The following ADGRA2 variants were observed in gnomAD, a reference collection of about 807,000 sequenced individuals.
The protein encoded by ADGRA2 is G-protein coupled receptor 124.
Under a neutral mutation model 98.7 loss-of-function variants are expected in ADGRA2, and 61 were observed. The observed-to-expected ratio is 0.62, with a 90% confidence interval of 0.50 to 0.76. The LOEUF (loss-of-function observed/expected upper bound fraction) is 0.76, where lower values mean the gene tolerates loss of function less well. ADGRA2 is among the 30% of genes least tolerant of loss of function. The pLI, the probability that ADGRA2 is intolerant of heterozygous loss-of-function variation, is 0.00. For missense variants in ADGRA2, 1,712 were observed against 1,860.0 expected, an observed-to-expected ratio of 0.92 and a Z score of 1.46; for synonymous variants, 858 against 831.5, an observed-to-expected ratio of 1.03 and a Z score of -0.55.
At chr8:37,839,132 G>GC in intron 15 of ADGRA2, 49 bp downstream of exon 15, 1 of 1,607,314 alleles carries the variant, frequency 6.2e-7, no homozygotes, top group African/African-American at 1.3e-5. Flanking sequence ...CATGGAAGGG[G>GC]CCCCTACCCT....
rs77369926 is a variant in ADGRA2, at chr8:37,835,761, G to A, written c.2041G>A (p.Ala681Thr). ...RRGVATPVIF[A>T]GTSGCGVGNL... ...TGGCGTGGCCACCCCCGTCATCTTC[G>A]CAGGAACCAGTAAGGGACTGAATTC... Residue 681 changes from alanine (A) to threonine (T), a missense_variant, in exon 13 of 19, where the codon GCA becomes ACA. Ala to Thr is a moderately conservative substitution (Grantham distance 58). Transcript: ENST00000412232. The A allele has an allele frequency of 6.4e-3, 10,369 of 1,609,388 alleles. 77 individuals carry two copies. The highest frequency in any genetic ancestry group is 0.035 in the African/African-American group (2,644 of 74,882).
rs946628915 is a variant in ADGRA2, at chr8:37,797,590, C to A, written c.266+56C>A. On this transcript the variant is annotated intron_variant, in intron 1 of 18. Coordinates refer to ENST00000412232, the MANE Select transcript of ADGRA2 (RefSeq NM_032777.10). The surrounding 1 kb of genome is among the most constrained non-coding windows in gnomAD (Gnocchi z 5.3). Reference sequence around the variant, plus strand: ...AGCCGGGACTGGGGACGAAGGGAGGCGAGACGGGAGGGGTGGGAGCAGGGG... The same window carrying A: ...AGCCGGGACTGGGGACGAAGGGAGGAGAGACGGGAGGGGTGGGAGCAGGGG... The A allele has an allele frequency of 2.4e-6, 3 of 1,273,000 alleles. No individual in the cohort carries two copies. The highest frequency in any genetic ancestry group is 2.8e-5 in the South Asian group (1 of 35,606). The allele number at this position is 1,273,000 out of a possible 1,614,324, so 78.9% of individuals were successfully genotyped here.
At chr8:37,803,315 C>G (rs573573354) in intron 1 of ADGRA2, among the ~76,000 whole-genome samples, 1 of 152,118 alleles carries the variant, frequency 6.6e-6, no homozygotes, top group African/African-American at 2.4e-5. Flanking sequence ...GGAGAGTTCC[C>G]GGACAGCCTG....
chr8:37,835,116 A>G, intron 11 of ADGRA2, 58 bp from the exon 12 acceptor site: 9 of 1,244,184 alleles, frequency 7.2e-6, no homozygotes, highest in Non-Finnish European at 1.1e-5. Flanking sequence ...AGAGATGTGC[A>G]GTCCCAAGCA....
At chr8:37,822,200 G>T (rs919269445) in intron 2 of ADGRA2, among the ~76,000 whole-genome samples, 3 of 152,150 alleles carry the variant, frequency 2.0e-5, no homozygotes, top group Non-Finnish European at 4.4e-5. Flanking sequence ...TATACCTGCA[G>T]GGTGTCCTGG....
chr8:37,804,130 C>CACACACACACACACACACAT lies in ADGRA2; in HGVS notation c.266+6615_266+6616insTACACACACACACACACACA, dbSNP rs1563337088. ...ACACACACACACACACACACACACACACACACACACACACACACACACGGC... is the reference window on the plus strand; with the variant it reads ...ACACACACACACACACACACACACACACACACACACACACACACATACACACACACACACACACACACGGC... On this transcript the variant is annotated intron_variant, in intron 1 of 18. Coordinates refer to ENST00000412232, the MANE Select transcript of ADGRA2 (RefSeq NM_032777.10). Among the ~76,000 whole-genome samples, 111 of 148,694 alleles carry CACACACACACACACACACAT rather than the reference C, an allele frequency of 7.5e-4. 1 individual carries two copies. Among genetic ancestry groups the CACACACACACACACACACAT allele is most frequent in the African/African-American group, 2.5e-3 (100 of 39,736 alleles).
chr8:37,827,060 A>G (rs1308464214), intron 2 of ADGRA2, among the ~76,000 whole-genome samples: 2 of 152,136 alleles, frequency 1.3e-5, no homozygotes, highest in African/African-American at 4.8e-5. Flanking sequence ...GCTGCCTCAC[A>G]ATCTCCTGCC....
rs1265508461 is a variant in ADGRA2 at position 37,841,061 on chromosome 8, A to C, written c.2748-25A>C. The C allele has an allele frequency of 6.4e-7, 1 of 1,567,696 alleles. No individual in the cohort carries two copies. On this transcript the variant is annotated intron_variant, in intron 18 of 18. Transcript: ENST00000412232. This position sits in a 1 kb window ranked among gnomAD's most constrained non-coding sequence, Gnocchi z 5.0. Reference sequence around the variant, plus strand: ...CACCCCAGCCATGCCCCCTGTCCTCATCACTGCTTCTGTGTCTCCTACAGC... The same window carrying C: ...CACCCCAGCCATGCCCCCTGTCCTCCTCACTGCTTCTGTGTCTCCTACAGC...
At chr8:37,839,412 C>T (rs1805723267) in intron 15 of ADGRA2, 87 bp from the exon 16 acceptor site, 2 of 1,562,264 alleles carry the variant, frequency 1.3e-6, no homozygotes, top group African/African-American at 2.7e-5. Flanking sequence ...TATGTGCCTG[C>T]CCCCCGTGGC....
At position 37,833,187 on chromosome 8, in the gene ADGRA2, G is replaced by C; in HGVS notation, c.1275G>C (p.Arg425Ser). Residue 425 changes from arginine to serine, a missense_variant, in exon 9 of 19, where the codon AGG becomes AGC. Physicochemically the swap from Arg to Ser is moderately radical, Grantham distance 110. Coordinates refer to ENST00000412232, the MANE Select transcript of ADGRA2 (RefSeq NM_032777.10). Reference protein sequence around the residue: ...SHCLYTNDITRVLYTFVLMPI... With the variant: ...SHCLYTNDITSVLYTFVLMPI... ...GTCTCTACACCAACGACATCACCAG[G>C]GTGCTGTACACCTTCGTGCTGGTGA... The C allele has an allele frequency of 1.2e-6, 2 of 1,612,488 alleles. No individual in the cohort carries two copies. Among genetic ancestry groups the C allele is most frequent in the Non-Finnish European group, 1.7e-6 (2 of 1,179,546 alleles).
In ADGRA2 at chr8:37,802,408, C is replaced by A. The variant is rs932542228; in HGVS notation, c.266+4874C>A. On this transcript the variant is annotated intron_variant, in intron 1 of 18. Coordinates refer to ENST00000412232, the MANE Select transcript of ADGRA2 (RefSeq NM_032777.10). This position sits in a 1 kb window ranked among gnomAD's most constrained non-coding sequence, Gnocchi z 4.7. ...CAGAGACAGCAGCCAGAGGAAGTGG[C>A]TGTGTACAGAGAGCTTTTGTGAGAG... Among the ~76,000 whole-genome samples, 1 of 152,070 alleles carries A rather than the reference C, an allele frequency of 6.6e-6. No homozygotes were observed. Among genetic ancestry groups the A allele is most frequent in the East Asian group, 1.9e-4 (1 of 5,180 alleles).
intron 16 of ADGRA2, 111 bp downstream of exon 16, chr8:37,839,733 C>T (rs1447676019): frequency 3.7e-6 from 5 of 1,355,038 alleles, no homozygotes; most frequent in Non-Finnish European, 5.1e-6. Context: ...TAGGCCGTGG[C>T]TCCATGGCTT....
chr8:37,831,937 G>A (rs1805467125), intron 8 of ADGRA2, among the ~76,000 whole-genome samples: 2 of 152,136 alleles, frequency 1.3e-5, no homozygotes, highest in Non-Finnish European at 2.9e-5. Flanking sequence ...GTGCGTGCCT[G>A]TAATCCCAAC....
Position 37,805,801 on chromosome 8 carries a change from G to A in ADGRA2, c.266+8267G>A, listed in dbSNP as rs1019655010. Among the ~76,000 whole-genome samples the A allele has an allele frequency of 4.7e-4, 71 of 151,956 alleles. 1 individual carries two copies. The highest frequency in any genetic ancestry group is 1.7e-3 in the African/African-American group (70 of 41,336). ...GGCGAGTTACTTGGACCCGGGAGGTGGAGGTTGCAGTGAGCCGAGATCGTA... is the reference window on the plus strand; with the variant it reads ...GGCGAGTTACTTGGACCCGGGAGGTAGAGGTTGCAGTGAGCCGAGATCGTA... On this transcript the variant is annotated intron_variant, in intron 1 of 18. Transcript: ENST00000412232.
Position 37,830,880 on chromosome 8 carries a change from C to T in ADGRA2, c.889C>T (p.Leu297Phe), listed in dbSNP as rs774514376. ...PVEGDEQAGILLAESLIHDCT... is the reference protein window; with the variant it reads ...PVEGDEQAGIFLAESLIHDCT... ...GGAGGGTGATGAGCAGGCGGGCATC[C>T]TCCTGGCCGAGAGCCTCATCCACGA... Residue 297 changes from leucine to phenylalanine, a missense_variant, in exon 7 of 19, where the codon CTC (leucine) becomes TTC (phenylalanine). By Grantham distance (22) the Leu-to-Phe change is conservative (BLOSUM62 0). Coordinates refer to ENST00000412232, the MANE Select transcript of ADGRA2 (RefSeq NM_032777.10). This position sits in a 1 kb window ranked among gnomAD's most constrained non-coding sequence, Gnocchi z 4.8. The T allele has an allele frequency of 1.0e-5, 16 of 1,590,598 alleles. No homozygotes were observed. In the South Asian group the frequency reaches 1.7e-4, roughly 17 times the overall value.
Position 37,830,959 on chromosome 8 carries a change from TG to T in ADGRA2, c.932+40del. ...CGCTGCCCCTCCTCAGGCCTCAGCA[TG>T]GGGTTAGGGGACCTACCCTACCCGT... On this transcript the variant is annotated intron_variant, in intron 7 of 18. Coordinates refer to ENST00000412232, the MANE Select transcript of ADGRA2 (RefSeq NM_032777.10). This position sits in a 1 kb window ranked among gnomAD's most constrained non-coding sequence, Gnocchi z 4.8. The T allele has an allele frequency of 6.7e-7, 1 of 1,498,246 alleles. No homozygotes were observed. The highest frequency in any genetic ancestry group is 9.1e-7 in the Non-Finnish European group (1 of 1,102,534). The allele number at this position is 1,498,246 out of a possible 1,614,324, so 92.8% of individuals were successfully genotyped here. A position where few individuals can be genotyped will look rare whatever the true frequency, so the allele number is the denominator to read the frequency against.
chr8:37,817,364 C>T (rs1167701260), intron 2 of ADGRA2, among the ~76,000 whole-genome samples: 3 of 152,126 alleles, frequency 2.0e-5, no homozygotes, highest in Non-Finnish European at 4.4e-5. Context: ...CTGTGGCTCA[C>T]AGACAGAGTG....
chr8:37,840,856 A>AGGGGGCC lies in ADGRA2; in HGVS notation c.2747+7_2747+8insGGGGGCC. On this transcript the variant is annotated splice_region_variant and intron_variant, in intron 18 of 18. Coordinates refer to ENST00000412232, the MANE Select transcript of ADGRA2 (RefSeq NM_032777.10). ...ACCGGGACCACAGCCCCTAGTGAGC[A>AGGGGGCC]CCCCTCCCTCCCGCCCCAAGCCTAC... 1 of 1,483,350 alleles carries AGGGGGCC rather than the reference A, an allele frequency of 6.7e-7. No individual in the cohort carries two copies. Among genetic ancestry groups the AGGGGGCC allele is most frequent in the Non-Finnish European group, 9.4e-7 (1 of 1,067,526 alleles). 91.9% of individuals were successfully genotyped at this position (1,483,350 alleles called of 1,614,324 possible).
chr8:37,820,064 A>C (rs1022273442), intron 2 of ADGRA2, among the ~76,000 whole-genome samples: 2 of 152,234 alleles, frequency 1.3e-5, no homozygotes, highest in African/African-American at 4.8e-5. Flanking sequence ...GAAGTCAGAC[A>C]GGAGCAGACG....
Sources: allele counts gnomAD v4.1 joint callset (sites outside exome capture counted in the v4.1 genomes callset), GRCh38; gene constraint gnomAD v4.1.1; non-coding constraint Gnocchi (gnomAD v3.1); transcripts MANE v1.5; gene names NCBI Gene and HGNC (gene_info 2026-07-23, HGNC 2026-07-21).